MED12L: variants seen among roughly 807,000 people sequenced by gnomAD.
The protein encoded by MED12L is mediator of RNA polymerase II transcription subunit 12-like protein.
In MED12L, 60 loss-of-function variants were observed where a neutral mutation model predicts 281.3. The ratio of observed to expected loss-of-function variants is 0.21; its 90% confidence interval spans 0.17 to 0.26. MED12L has a LOEUF of 0.26. MED12L is among the 10% of genes least tolerant of loss of function. The pLI is 1.00. For synonymous variants in MED12L, 974 were observed against 987.2 expected (o/e 0.99, Z 0.25); for missense variants, 2,146 against 2,680.9 (o/e 0.80, Z 4.41).
At chr3:151,281,334 C>T (rs1313340343) in intron 16 of MED12L, among the ~76,000 whole-genome samples, 3 of 151,430 alleles carry the variant, frequency 2.0e-5, no homozygotes, top group East Asian at 1.9e-4. Context: ...CACTCGAACC[C>T]GGGAGGTGGA....
chr3:151,148,100 C>T (rs1399544783), intron 5 of MED12L, among the ~76,000 whole-genome samples: 1 of 152,192 alleles, frequency 6.6e-6, no homozygotes, highest in Non-Finnish European at 1.5e-5. Flanking sequence ...TTGCATTTCT[C>T]TATCGGCTAA....
At chr3:151,264,876 T>A (rs1379207738) in intron 16 of MED12L, among the ~76,000 whole-genome samples, 1 of 152,232 alleles carries the variant, frequency 6.6e-6, no homozygotes, top group Non-Finnish European at 1.5e-5. Flanking sequence ...GTTCTCTGAC[T>A]GTACCTCCTG....
At chr3:151,343,149 A>C (rs1044706015) in intron 16 of MED12L, among the ~76,000 whole-genome samples, 2 of 152,196 alleles carry the variant, frequency 1.3e-5, no homozygotes, top group African/African-American at 4.8e-5. Context: ...TCTTTCAATA[A>C]AATAAGGACC....
chr3:151,105,611 C>A (rs982941076), intron 2 of MED12L, among the ~76,000 whole-genome samples: 1 of 152,100 alleles, frequency 6.6e-6, no homozygotes, highest in Non-Finnish European at 1.5e-5. Flanking sequence ...AAGGCTTATC[C>A]TCCTCTAACT....
At chr3:151,349,894 A>G (rs1325981420) in intron 16 of MED12L, among the ~76,000 whole-genome samples, 165 bp from the exon 17 acceptor site, 1 of 150,682 alleles carries the variant, frequency 6.6e-6, no homozygotes, top group Non-Finnish European at 1.5e-5. Flanking sequence ...TCCAAACTGG[A>G]AAAACAAGGG....
chr3:151,328,910 G>A (rs1750016634), intron 16 of MED12L: 1 of 1,613,738 alleles, frequency 6.2e-7, no homozygotes, highest in Non-Finnish European at 8.5e-7. Context: ...TGTGTAGAGG[G>A]CTGGGAATAC....
In MED12L at chr3:151,232,631, T is replaced by C. The variant is rs538873585; in HGVS notation, c.2250+38965T>C. On this transcript the variant is annotated intron_variant, in intron 16 of 44. Coordinates refer to ENST00000687756, the MANE Select transcript of MED12L (RefSeq NM_001393769.1). ...CATAAAAAAAGAATGAGATCATGTC[T>C]TGTGGGAATATGGATGGAGCTGGAA... Among the ~76,000 whole-genome samples, 291 of 152,340 alleles carry C rather than the reference T, an allele frequency of 1.9e-3. 1 individual carries two copies. The highest frequency in any genetic ancestry group is 6.8e-3 in the African/African-American group (281 of 41,578).
intron 16 of MED12L, among the ~76,000 whole-genome samples, chr3:151,271,350 C>T (rs1361973530): frequency 6.6e-6 from 1 of 152,226 alleles, no homozygotes; most frequent in Admixed American, 6.5e-5. Context: ...AAAAACTTGA[C>T]AATGTTAAGA....
At chr3:151,092,050 A>C (rs1720119965) in intron 2 of MED12L, among the ~76,000 whole-genome samples, 1 of 152,176 alleles carries the variant, frequency 6.6e-6, no homozygotes, top group Non-Finnish European at 1.5e-5. Flanking sequence ...TAACAGCCAC[A>C]AGATCCTGCC....
chr3:151,412,603 T>G (rs976997280), intron 41 of MED12L, among the ~76,000 whole-genome samples: 4 of 152,226 alleles, frequency 2.6e-5, no homozygotes, highest in African/African-American at 9.6e-5. Context: ...TGGATAATAA[T>G]TTGGAAAATG....
intron 36 of MED12L, among the ~76,000 whole-genome samples, 156 bp from the exon 37 acceptor site, chr3:151,387,654 C>T (rs914726678): frequency 3.9e-5 from 6 of 152,222 alleles, no homozygotes; most frequent in African/African-American, 7.2e-5. Context: ...CACTGCTCTC[C>T]GGTGATGTAG....
At chr3:151,130,271 T>C (rs1446757878) in intron 5 of MED12L, among the ~76,000 whole-genome samples, 1 of 152,002 alleles carries the variant, frequency 6.6e-6, no homozygotes, top group Non-Finnish European at 1.5e-5. Context: ...AGTTATTGGA[T>C]GGGTAAGGGT....
chr3:151,179,066 G>A (rs767780321), intron 11 of MED12L, among the ~76,000 whole-genome samples: 8 of 152,144 alleles, frequency 5.3e-5, no homozygotes, highest in Non-Finnish European at 8.8e-5. Flanking sequence ...TTGGCTGGGC[G>A]TGGTGGCTCA....
At chr3:151,325,734 T>A (rs1031270557) in intron 16 of MED12L, among the ~76,000 whole-genome samples, 2 of 152,200 alleles carry the variant, frequency 1.3e-5, no homozygotes, top group Non-Finnish European at 2.9e-5. Context: ...TCTTGAAAGA[T>A]CTTTCCCAAA....
intron 5 of MED12L, among the ~76,000 whole-genome samples, chr3:151,142,580 A>G (rs1339512900): frequency 1.3e-5 from 2 of 152,208 alleles, no homozygotes; most frequent in Non-Finnish European, 2.9e-5. Context: ...TTTAGAAGCA[A>G]TAATTCTTAC....
Position 151,357,227 on chromosome 3 carries a change from G to C in MED12L, c.2676G>C (p.Leu892=). 6.2e-7 allele frequency: 1 copy of C among 1,606,804 alleles called. No individual in the cohort carries two copies. Among genetic ancestry groups the C allele is most frequent in the East Asian group, 2.2e-5 (1 of 44,764 alleles). The part of the protein sequence containing the change: ...IDFAIQLLNE[L]SVVEAELLLK... ...TCCTGTTACAGTTACTAAATGAACT[G>C]AGTGTTGTGGAAGCTGAACTGCTCC... The change falls in exon 20 of 45, where the codon CTG becomes CTC. Residue 892 remains leucine (L), a synonymous_variant. Coordinates refer to ENST00000687756, the MANE Select transcript of MED12L (RefSeq NM_001393769.1).
intron 25 of MED12L, among the ~76,000 whole-genome samples, chr3:151,369,166 G>A (rs1755865787): frequency 6.6e-6 from 1 of 152,180 alleles, no homozygotes; most frequent in South Asian, 2.1e-4. Flanking sequence ...ATGTGTCTGT[G>A]TGAGAATCAA....
chr3:151,160,024 G>T lies in MED12L; in HGVS notation c.1030G>T (p.Val344Leu), dbSNP rs375566413. The stretch of plus-strand genomic sequence containing the variant: ...CCCCCCCGGCCCTGGCATGAGCCCC[G>T]TGCAGCTGGCCTTCTCAGATTTTCT... ...PGPPGPGMSP[V>L]QLAFSDFLSC... The change falls in exon 8 of 45, where the codon GTG becomes TTG. Residue 344 changes from valine to leucine, a missense_variant. Physicochemically the swap from Val to Leu is conservative, Grantham distance 32. This residue lies in a region of MED12L where 722 missense variants were observed against 861.2 expected (regional missense o/e 0.84). Coordinates refer to ENST00000687756, the MANE Select transcript of MED12L (RefSeq NM_001393769.1). 4.3e-6 allele frequency: 7 copies of T among 1,614,040 alleles called. No individual in the cohort carries two copies. The highest frequency in any genetic ancestry group is 1.1e-5 in the South Asian group (1 of 91,076).
At chr3:151,304,195 A>G (rs11719936) in intron 16 of MED12L, among the ~76,000 whole-genome samples, 71,505 of 152,020 alleles carry the variant, frequency 0.47, 16,906 homozygotes, top group Middle Eastern at 0.64. Context: ...TGCCTGTGAC[A>G]GAAAGGAGAC....
Sources: allele counts gnomAD v4.1 joint callset (sites outside exome capture counted in the v4.1 genomes callset), GRCh38; gene constraint gnomAD v4.1.1; regional missense constraint gnomAD v4.1.1; transcripts MANE v1.5; gene names NCBI Gene and HGNC (gene_info 2026-07-23, HGNC 2026-07-21).